FAM13B: variants seen among roughly 807,000 people sequenced by gnomAD.
The protein encoded by FAM13B is family with sequence similarity 13 member B, also known as protein FAM13B.
Under a neutral mutation model 117.3 loss-of-function variants are expected in FAM13B, and 60 were observed. The observed-to-expected ratio is 0.51, with a 90% CI of 0.42 to 0.63. The LOEUF (loss-of-function observed/expected upper bound fraction) is 0.63, where lower values mean the gene tolerates loss of function less well. Ranked by LOEUF, FAM13B falls within the 30% of genes least tolerant of loss-of-function variation. FAM13B has a pLI of 0.00. For synonymous variants in FAM13B, 332 were observed against 356.1 expected, an observed-to-expected ratio of 0.93 and a Z score of 0.76; for missense variants, 972 against 1,091.9, an observed-to-expected ratio of 0.89 and a Z score of 1.55.
chr5:138,016,254 GT>G (rs1785234768), intron 4 of FAM13B, among the ~76,000 whole-genome samples: 1 of 152,154 alleles, frequency 6.6e-6, no homozygotes, highest in Non-Finnish European at 1.5e-5. Context: ...TGACCAGAAA[GT>G]TGTGTCTTTG....
intron 6 of FAM13B, among the ~76,000 whole-genome samples, chr5:138,009,109 C>T (rs923029724): frequency 1.3e-5 from 2 of 152,198 alleles, no homozygotes; most frequent in Non-Finnish European, 2.9e-5. Flanking sequence ...CACTGCACTC[C>T]AGCCTGGGAA....
chr5:138,008,720 C>T (rs764412128), intron 6 of FAM13B, among the ~76,000 whole-genome samples: 6 of 152,244 alleles, frequency 3.9e-5, no homozygotes, highest in Non-Finnish European at 8.8e-5. Flanking sequence ...TAGATCCTAG[C>T]TTCTACATGT....
chr5:137,994,885 T>C (rs971764714), intron 7 of FAM13B, among the ~76,000 whole-genome samples: 1 of 152,198 alleles, frequency 6.6e-6, no homozygotes, highest in Admixed American at 6.5e-5. Flanking sequence ...CACTAATATT[T>C]TGTATCCAAA....
rs557311166 is a variant in FAM13B, at chr5:137,962,513, C to A, written c.1180-44G>T. 3.5e-5 allele frequency: 55 copies of A among 1,557,966 alleles called. No homozygotes were observed. In the South Asian group the frequency reaches 5.7e-4, roughly 16 times the overall value. On this transcript the variant is annotated intron_variant, in intron 10 of 23. Coordinates refer to ENST00000689681, the MANE Select transcript of FAM13B (RefSeq NM_001385994.1). ...CCATGTATTAATGGAGCTCCCAATA[C>A]TCAGATAAGAGAAGTTGCCAATCTA... is the stretch of plus-strand genomic sequence containing the variant.
At chr5:137,950,420 G>A (rs1764632168) in intron 17 of FAM13B, among the ~76,000 whole-genome samples, 1 of 152,178 alleles carries the variant, frequency 6.6e-6, no homozygotes. Context: ...AGAGATGAAA[G>A]TGATAAAATC....
At position 137,969,572 on chromosome 5, in the gene FAM13B, C is replaced by T. The variant is rs1352448943; in HGVS notation, c.1180-7103G>A. On this transcript the variant is annotated intron_variant, in intron 10 of 23. Transcript: ENST00000689681. ...GAGCACCTCTCCTCCTCCAAAGGAA[C>T]GCAGTTCCTCACCAGCAACGGAACA... is the stretch of plus-strand genomic sequence containing the variant. 4.6e-5 allele frequency among the ~76,000 whole-genome samples: 7 copies of T among 152,218 alleles called. No individual in the cohort carries two copies. The East Asian group carries it at 5.8e-4, about 13-fold the overall frequency.
rs1231380037 is a variant in FAM13B, at chr5:138,021,175, C to T, written c.-180G>A. The T allele has an allele frequency of 8.1e-7, 1 of 1,231,634 alleles. No homozygotes were observed. Among genetic ancestry groups the T allele is most frequent in the Non-Finnish European group, 1.0e-6 (1 of 987,914 alleles). The allele number at this position is 1,231,634 out of a possible 1,614,324, so 76.3% of individuals were successfully genotyped here. A position where few individuals can be genotyped will look rare whatever the true frequency, so the allele number is the denominator to read the frequency against. On this transcript the variant is annotated 5_prime_UTR_variant, in exon 2 of 24. Coordinates refer to ENST00000689681, the MANE Select transcript of FAM13B (RefSeq NM_001385994.1). Reference sequence around the variant, plus strand: ...TTCCTCATTGAAGAAATGCAGAACTCGATCAGTACTTCAGCAGTTAATCTA... The same window carrying T: ...TTCCTCATTGAAGAAATGCAGAACTTGATCAGTACTTCAGCAGTTAATCTA...
At chr5:138,025,818 C>T (rs1581289106) in intron 1 of FAM13B, among the ~76,000 whole-genome samples, 1 of 152,128 alleles carries the variant, frequency 6.6e-6, no homozygotes, top group East Asian at 1.9e-4. Flanking sequence ...CTGATTAACA[C>T]AAACAATCCT....
chr5:137,954,314 G>A lies in FAM13B; in HGVS notation c.1570C>T (p.Pro524Ser). The change falls in exon 15 of 24, where the codon CCA becomes TCA. Residue 524 changes from proline (P) to serine (S), a missense_variant. Transcript: ENST00000689681. Reference protein sequence around the residue: ...DSESGEAQLSPQAGRMNHHPL... With the variant: ...DSESGEAQLSSQAGRMNHHPL... ...TGATGATTCATTCTTCCAGCTTGTG[G>A]AGACAGCTGAGCTTCTCCAGACTCA... 3 of 1,613,962 alleles carry A rather than the reference G, an allele frequency of 1.9e-6. No individual in the cohort carries two copies. The highest frequency in any genetic ancestry group is 2.5e-6 in the Non-Finnish European group (3 of 1,179,992).
chr5:138,001,120 C>CAA lies in FAM13B; in HGVS notation c.848+5868_848+5869dup, dbSNP rs201877266. Among the ~76,000 whole-genome samples the CAA allele has an allele frequency of 9.8e-3, 1,484 of 152,044 alleles. 9 individuals carry two copies. The highest frequency in any genetic ancestry group is 0.015 in the Non-Finnish European group (1,036 of 67,988). On this transcript the variant is annotated intron_variant, in intron 7 of 23. Coordinates refer to ENST00000689681, the MANE Select transcript of FAM13B (RefSeq NM_001385994.1). ...TTATAAGGGTACTAATGTTTGTGAC[C>CAA]AAAAGTTTGAGAAATGCTAACTTAA...
Position 137,944,292 on chromosome 5 carries a change from T to A in FAM13B, c.2341-1076A>T, listed in dbSNP as rs566207749. ...GCTGACATTCGACTCAGCAATCCCA[T>A]CACTAGGTATATATATCCAAAAGAA... On this transcript the variant is annotated intron_variant, in intron 20 of 23. Transcript: ENST00000689681. Among the ~76,000 whole-genome samples, 5 of 152,246 alleles carry A rather than the reference T, an allele frequency of 3.3e-5. No homozygotes were observed. The South Asian group carries it at 1.0e-3, about 32-fold the overall frequency.
rs369399466 is a variant in FAM13B at position 138,021,176 on chromosome 5, G to A, written c.-181C>T. The A allele has an allele frequency of 1.1e-5, 13 of 1,231,608 alleles. No homozygotes were observed. Among genetic ancestry groups the A allele is most frequent in the East Asian group, 9.5e-5 (3 of 31,690 alleles). The allele number at this position is 1,231,608 out of a possible 1,614,324, so 76.3% of individuals were successfully genotyped here. A position where few individuals can be genotyped will look rare whatever the true frequency, so the allele number is the denominator to read the frequency against. The stretch of plus-strand genomic sequence containing the variant: ...TCCTCATTGAAGAAATGCAGAACTC[G>A]ATCAGTACTTCAGCAGTTAATCTAC... On this transcript the variant is annotated 5_prime_UTR_variant, in exon 2 of 24. Coordinates refer to ENST00000689681, the MANE Select transcript of FAM13B (RefSeq NM_001385994.1).
At chr5:137,958,713 T>C (rs1239422088) in intron 13 of FAM13B, among the ~76,000 whole-genome samples, 2 of 152,250 alleles carry the variant, frequency 1.3e-5, no homozygotes, top group African/African-American at 4.8e-5. Flanking sequence ...ATTTATTGCT[T>C]GATTCCCACC....
intron 17 of FAM13B, among the ~76,000 whole-genome samples, chr5:137,951,218 A>C (rs1442311358): frequency 4.7e-5 from 7 of 150,478 alleles, no homozygotes; most frequent in African/African-American, 1.5e-4. Flanking sequence ...ACAAAAAAAA[A>C]AAAAAAAAAA....
At chr5:137,943,885 T>C (rs888328736) in intron 20 of FAM13B, among the ~76,000 whole-genome samples, 1 of 152,224 alleles carries the variant, frequency 6.6e-6, no homozygotes, top group Non-Finnish European at 1.5e-5. Flanking sequence ...GATATAATTA[T>C]ATATCATAAA....
At position 137,951,233 on chromosome 5, in the gene FAM13B, A is replaced by AAAAAAT. The variant is rs1457502693; in HGVS notation, c.1930+1394_1930+1395insATTTTT. 2.9e-4 allele frequency among the ~76,000 whole-genome samples: 42 copies of AAAAAAT among 147,014 alleles called. 1 individual carries two copies. The highest frequency in any genetic ancestry group is 4.3e-4 in the Non-Finnish European group (29 of 66,682). On this transcript the variant is annotated intron_variant, in intron 17 of 23. Transcript: ENST00000689681. The stretch of plus-strand genomic sequence containing the variant: ...ACAAAAAAAAAAAAAAAAAAAAAAA[A>AAAAAAT]GGAGAGAGAGAGAGGCAAACATTAT...
chr5:137,941,880 C>G (rs1761957134), intron 23 of FAM13B, 64 bp downstream of exon 23: 1 of 1,328,726 alleles, frequency 7.5e-7, no homozygotes, highest in South Asian at 1.2e-5. Context: ...TCCATTATTT[C>G]AACATATGGT....
At position 138,009,220 on chromosome 5, in the gene FAM13B, T is replaced by C. The variant is rs559488870; in HGVS notation, c.690+1788A>G. On this transcript the variant is annotated intron_variant, in intron 6 of 23. Coordinates refer to ENST00000689681, the MANE Select transcript of FAM13B (RefSeq NM_001385994.1). ...TAAAGTACATGCAGCAGATTCTGTATAATTCGTTGTGTTTATAAATGTCTT... is the reference window on the plus strand; with the variant it reads ...TAAAGTACATGCAGCAGATTCTGTACAATTCGTTGTGTTTATAAATGTCTT... Among the ~76,000 whole-genome samples the C allele has an allele frequency of 3.9e-5, 6 of 152,322 alleles. No homozygotes were observed. The South Asian group carries it at 1.0e-3, about 26-fold the overall frequency.
chr5:138,005,317 TACTGTTAATG>T (rs1233281617), intron 7 of FAM13B, among the ~76,000 whole-genome samples: 1 of 152,170 alleles, frequency 6.6e-6, no homozygotes, highest in African/African-American at 2.4e-5. Context: ...CTCAAGAAAA[TACTGTTAATG>T]ACAGTGTAAA....
Sources: allele counts gnomAD v4.1 joint callset (sites outside exome capture counted in the v4.1 genomes callset), GRCh38; gene constraint gnomAD v4.1.1; transcripts MANE v1.5; gene names NCBI Gene and HGNC (gene_info 2026-07-23, HGNC 2026-07-21).